ARID4B: variants seen among roughly 807,000 people sequenced by gnomAD.
ARID4B encodes AT-rich interaction domain 4B.
ARID4B carries 26 observed loss-of-function variants against 147.5 expected under a neutral mutation model. That is an observed-to-expected ratio of 0.18 (90% CI 0.13 to 0.24). The LOEUF is 0.24. Ranked by LOEUF, ARID4B falls within the 10% of genes least tolerant of loss-of-function variation. The pLI is 1.00. For missense variants in ARID4B, 1,179 were observed against 1,511.5 expected (o/e 0.78, Z 3.65); for synonymous variants, 512 against 507.9 (o/e 1.01, Z -0.11).
At chr1:235,303,948 C>T (rs1242866467) in intron 2 of ARID4B, among the ~76,000 whole-genome samples, 2 of 151,964 alleles carry the variant, frequency 1.3e-5, no homozygotes, top group African/African-American at 2.4e-5. Flanking sequence ...TTTTTTGGCA[C>T]ATATAAACCA....
At chr1:235,297,823 T>C (rs2103234243) in intron 2 of ARID4B, among the ~76,000 whole-genome samples, 1 of 152,244 alleles carries the variant, frequency 6.6e-6, no homozygotes, top group African/African-American at 2.4e-5. Flanking sequence ...ATTCTACAGG[T>C]TAAATAACAG....
At chr1:235,257,085 G>T in intron 4 of ARID4B, 75 bp downstream of exon 4, 1 of 980,346 alleles carries the variant, frequency 1.0e-6, no homozygotes, top group Non-Finnish European at 1.6e-6. Flanking sequence ...TAACAAAAGA[G>T]CCAATGAATT....
At chr1:235,281,245 G>T (rs1671652838) in intron 2 of ARID4B, among the ~76,000 whole-genome samples, 1 of 151,590 alleles carries the variant, frequency 6.6e-6, no homozygotes, top group South Asian at 2.1e-4. Flanking sequence ...TAGGGAAACT[G>T]CCTCTGTTAA....
chr1:235,212,868 A>C (rs1219172636), intron 17 of ARID4B, among the ~76,000 whole-genome samples: 1 of 152,180 alleles, frequency 6.6e-6, no homozygotes. Flanking sequence ...AATATAATTT[A>C]AGTATAAAGC....
At chr1:235,327,128 GC>G in intron 1 of ARID4B, 160 bp from the exon 2 acceptor site, 1 of 586,746 alleles carries the variant, frequency 1.7e-6, no homozygotes, top group Non-Finnish European at 3.1e-6. Context: ...GCTCCCTCCG[GC>G]CCCGCCATCC....
intron 12 of ARID4B, 99 bp from the exon 13 acceptor site, chr1:235,223,359 A>G (rs2103030155): frequency 2.7e-6 from 1 of 375,558 alleles, no homozygotes; most frequent in Non-Finnish European, 4.6e-6. Flanking sequence ...TATTTTATAT[A>G]TATATACACG....
chr1:235,197,473 TTGTA>T (rs1342634852), intron 17 of ARID4B, among the ~76,000 whole-genome samples: 5 of 152,200 alleles, frequency 3.3e-5, no homozygotes, highest in Non-Finnish European at 7.3e-5. Context: ...AACTACTGGC[TTGTA>T]GCCAGTAAAA....
chr1:235,313,200 T>G (rs1013720937), intron 2 of ARID4B, among the ~76,000 whole-genome samples: 1 of 152,052 alleles, frequency 6.6e-6, no homozygotes, highest in African/African-American at 2.4e-5. Flanking sequence ...TGGCTAATTT[T>G]TATATTTTCA....
chr1:235,221,914 T>TTTTTTTTTTG, intron 13 of ARID4B, among the ~76,000 whole-genome samples: 1 of 97,540 alleles, frequency 1.0e-5, no homozygotes, highest in Non-Finnish European at 2.1e-5. Context: ...TTTTTTTTTT[T>TTTTTTTTTTG]TTTTTTGGAG....
At chr1:235,308,375 G>A (rs990407925) in intron 2 of ARID4B, among the ~76,000 whole-genome samples, 1 of 151,706 alleles carries the variant, frequency 6.6e-6, no homozygotes, top group Non-Finnish European at 1.5e-5. Flanking sequence ...CCAAAGTGCT[G>A]GGATTACAGG....
At chr1:235,287,070 G>C (rs1292004532) in intron 2 of ARID4B, among the ~76,000 whole-genome samples, 1 of 152,148 alleles carries the variant, frequency 6.6e-6, no homozygotes, top group East Asian at 1.9e-4. Flanking sequence ...GACCAGCCTG[G>C]CTAACACGGT....
chr1:235,187,893 T>C (rs959344208), intron 19 of ARID4B, among the ~76,000 whole-genome samples: 2 of 151,962 alleles, frequency 1.3e-5, no homozygotes, highest in African/African-American at 4.8e-5. Context: ...ACAGGAAAAA[T>C]ATGGGAAAGG....
At chr1:235,254,672 C>T (rs955402434) in intron 5 of ARID4B, among the ~76,000 whole-genome samples, 1 of 151,590 alleles carries the variant, frequency 6.6e-6, no homozygotes, top group African/African-American at 2.4e-5. Context: ...AAGTAGTAAA[C>T]AGTTAATATC....
At chr1:235,231,036 G>T (rs948028891) in intron 10 of ARID4B, 77 bp downstream of exon 10, 2 of 1,035,634 alleles carry the variant, frequency 1.9e-6, no homozygotes, top group African/African-American at 3.4e-5. Context: ...ATTTTAAAGA[G>T]CAAAGAAAAA....
At chr1:235,281,717 C>CA (rs933161251) in intron 2 of ARID4B, among the ~76,000 whole-genome samples, 1 of 151,998 alleles carries the variant, frequency 6.6e-6, no homozygotes, top group African/African-American at 2.4e-5. Context: ...CTCAGAAAAA[C>CA]AAAAACAAAA....
intron 1 of ARID4B, 106 bp from the exon 2 acceptor site, chr1:235,327,074 C>T (rs552191939): frequency 4.0e-6 from 3 of 747,584 alleles, no homozygotes; most frequent in Non-Finnish European, 6.5e-6. Flanking sequence ...AAGAAAGAGC[C>T]GCAACCAGGC....
At chr1:235,268,396 T>C (rs1212691388) in intron 2 of ARID4B, among the ~76,000 whole-genome samples, 1 of 150,544 alleles carries the variant, frequency 6.6e-6, no homozygotes. Context: ...CACAGAAAAA[T>C]AAACAAGTAC....
intron 21 of ARID4B, among the ~76,000 whole-genome samples, chr1:235,175,878 A>G (rs543127498): frequency 6.6e-6 from 1 of 152,352 alleles, no homozygotes; most frequent in African/African-American, 2.4e-5. Context: ...TTTGATATGT[A>G]TAATGAAATT....
chr1:235,276,701 T>TA (rs1405367341), intron 2 of ARID4B, among the ~76,000 whole-genome samples: 1 of 151,934 alleles, frequency 6.6e-6, no homozygotes, highest in African/African-American at 2.4e-5. Flanking sequence ...TTATTTCTCT[T>TA]AAAAAAGAGA....
Sources: gnomAD v4.1 joint callset for allele counts (sites outside exome capture counted in the v4.1 genomes callset) on GRCh38, gnomAD v4.1.1 for gene constraint, MANE v1.5 for transcripts, NCBI Gene and HGNC (gene_info 2026-07-23, HGNC 2026-07-21) for gene names.